The following CCR3 variants were observed in gnomAD, a reference collection of about 807,000 sequenced individuals.
The protein encoded by CCR3 is C-C chemokine receptor type 3.
For synonymous variants in CCR3, 203 were observed against 179.2 expected, an observed-to-expected ratio of 1.13 and a Z score of -1.06; for missense variants, 419 against 437.5, an observed-to-expected ratio of 0.96 and a Z score of 0.38.
chr3:46,220,840 G>A (rs1442167077), intron 2 of CCR3, among the ~76,000 whole-genome samples: 1 of 152,148 alleles, frequency 6.6e-6, no homozygotes, highest in Non-Finnish European at 1.5e-5. Context: ...AATGGACTCT[G>A]GAGACTTAGA....
At chr3:46,224,327 T>G (rs1168676263) in intron 2 of CCR3, among the ~76,000 whole-genome samples, 1 of 152,086 alleles carries the variant, frequency 6.6e-6, no homozygotes, top group East Asian at 1.9e-4. Flanking sequence ...CCAGGCACGG[T>G]GGCTCACACC....
intron 1 of CCR3, among the ~76,000 whole-genome samples, chr3:46,261,545 C>G (rs966015816): frequency 1.3e-5 from 2 of 152,174 alleles, no homozygotes; most frequent in African/African-American, 4.8e-5. Flanking sequence ...AGAAGAGACA[C>G]AGTGGTTATG....
At chr3:46,214,950 G>A (rs1012387744) in intron 2 of CCR3, among the ~76,000 whole-genome samples, 1 of 152,172 alleles carries the variant, frequency 6.6e-6, no homozygotes, top group African/African-American at 2.4e-5. Flanking sequence ...TGCTGGCAGA[G>A]AGCCTGAGAG....
chr3:46,226,989 A>C (rs2125924521), intron 2 of CCR3, among the ~76,000 whole-genome samples: 1 of 152,008 alleles, frequency 6.6e-6, no homozygotes, highest in Admixed American at 6.5e-5. Context: ...CTCATGCCTC[A>C]GCCTCCTGAG....
At chr3:46,232,588 G>A (rs1216923671) in intron 2 of CCR3, among the ~76,000 whole-genome samples, 1 of 152,202 alleles carries the variant, frequency 6.6e-6, no homozygotes, top group South Asian at 2.1e-4. Context: ...GCCTGCAGAG[G>A]GGTCTTAGGC....
chr3:46,218,923 C>T lies in CCR3; in HGVS notation c.-68+8016C>T, dbSNP rs544860227. Among the ~76,000 whole-genome samples the T allele has an allele frequency of 7.9e-5, 12 of 152,252 alleles. No individual in the cohort carries two copies. The South Asian group carries it at 2.3e-3, about 29-fold the overall frequency. On this transcript the variant is annotated intron_variant, in intron 2 of 3. Transcript: ENST00000357422. ...ATTTTCTCTGAGAACTGGAACAAGACAAGGATGCCCACTTTCACACTTCTA... is the reference window on the plus strand; with the variant it reads ...ATTTTCTCTGAGAACTGGAACAAGATAAGGATGCCCACTTTCACACTTCTA...
chr3:46,213,756 A>G (rs919600551), intron 2 of CCR3, among the ~76,000 whole-genome samples: 3 of 152,134 alleles, frequency 2.0e-5, no homozygotes, highest in East Asian at 1.9e-4. Flanking sequence ...TCCTACATTT[A>G]CTACTCACTG....
In CCR3 at chr3:46,243,002, T is replaced by TAC. The variant is rs71095087; in HGVS notation, c.-12+465_-12+466dup. On this transcript the variant is annotated intron_variant, in intron 1 of 1. Transcript: ENST00000395940. ...ATACACATATATATATATATATATA[T>TAC]ACGCACACACACATACATTTTTATA... 1.8e-3 allele frequency among the ~76,000 whole-genome samples: 226 copies of TAC among 123,710 alleles called. 1 individual carries two copies. The highest frequency in any genetic ancestry group is 5.7e-3 in the East Asian group (22 of 3,842). The allele number at this position is 123,710 out of a possible 152,430, so 81.2% of individuals were successfully genotyped here. A position where few individuals can be genotyped will look rare whatever the true frequency, so the allele number is the denominator to read the frequency against.
At chr3:46,238,539 T>A (rs1185213966), upstream of CCR3, among the ~76,000 whole-genome samples, 1 of 152,114 alleles carries the variant, frequency 6.6e-6, no homozygotes, top group Non-Finnish European at 1.5e-5. Flanking sequence ...GGGATCAGGG[T>A]ATGGAGTTTA....
At chr3:46,212,182 A>T (rs1699722037) in intron 2 of CCR3, among the ~76,000 whole-genome samples, 1 of 152,086 alleles carries the variant, frequency 6.6e-6, no homozygotes, top group South Asian at 2.1e-4. Flanking sequence ...AGGCACCTCA[A>T]CTGCATGGAC....
intron 2 of CCR3, among the ~76,000 whole-genome samples, chr3:46,215,715 GT>G (rs2125922615): frequency 6.6e-6 from 1 of 152,332 alleles, no homozygotes; most frequent in Non-Finnish European, 1.5e-5. Flanking sequence ...TTGCATCGAT[GT>G]TTACCCTGGG....
At chr3:46,222,849 C>T (rs999175857) in intron 2 of CCR3, among the ~76,000 whole-genome samples, 1 of 152,166 alleles carries the variant, frequency 6.6e-6, no homozygotes, top group Admixed American at 6.5e-5. Context: ...AATGTTCAGC[C>T]GATGGGAGCT....
chr3:46,222,007 A>C (rs1219005745), intron 2 of CCR3, among the ~76,000 whole-genome samples: 1 of 152,140 alleles, frequency 6.6e-6, no homozygotes, highest in Admixed American at 6.5e-5. Flanking sequence ...CCTCCACACA[A>C]ACTGGCACTG....
chr3:46,255,070 T>TTA (rs1553645241), intron 1 of CCR3, among the ~76,000 whole-genome samples: 4 of 152,072 alleles, frequency 2.6e-5, no homozygotes, highest in African/African-American at 9.7e-5. Context: ...TATTTTTTTT[T>TTA]TTATTATTAT....
At chr3:46,258,226 G>A (rs1183134116) in intron 1 of CCR3, among the ~76,000 whole-genome samples, 1 of 152,174 alleles carries the variant, frequency 6.6e-6, no homozygotes, top group East Asian at 1.9e-4. Context: ...TCCACCCTTT[G>A]TCAAGTTGAC....
At chr3:46,221,875 G>A (rs571656845) in intron 2 of CCR3, among the ~76,000 whole-genome samples, 1 of 152,162 alleles carries the variant, frequency 6.6e-6, no homozygotes, top group African/African-American at 2.4e-5. Flanking sequence ...GAGTGTGTCT[G>A]GGCCCCTGAC....
Position 46,252,557 on chromosome 3 carries a change from A to G in CCR3, c.-12+10019A>G, listed in dbSNP as rs117913731. 4.4e-4 allele frequency among the ~76,000 whole-genome samples: 67 copies of G among 152,302 alleles called. 1 individual carries two copies. The East Asian group carries it at 0.012, about 28-fold the overall frequency. On this transcript the variant is annotated intron_variant, in intron 1 of 1. Transcript: ENST00000395940. ...AAAATTCTATTGGACCACTGCACAG[A>G]TAACTAACTTTTCTGGATACTCCAG... is the stretch of plus-strand genomic sequence containing the variant.
At chr3:46,211,399 T>TATATATATATA (rs1559522130) in intron 2 of CCR3, among the ~76,000 whole-genome samples, 1 of 126,302 alleles carries the variant, frequency 7.9e-6, no homozygotes, top group African/African-American at 2.8e-5. Context: ...ATATATATAT[T>TATATATATATA]TTTTGTAGAA....
chr3:46,237,913 C>T (rs750211692), upstream of CCR3, among the ~76,000 whole-genome samples: 1 of 152,166 alleles, frequency 6.6e-6, no homozygotes, highest in African/African-American at 2.4e-5. Flanking sequence ...TGATTTTGAT[C>T]TTCTTACCAC....
Sources: allele counts gnomAD v4.1 joint callset (sites outside exome capture counted in the v4.1 genomes callset), GRCh38; gene constraint gnomAD v4.1.1; transcripts MANE v1.5; gene names NCBI Gene and HGNC (gene_info 2026-07-23, HGNC 2026-07-21).